TF: variants seen among roughly 807,000 people sequenced by gnomAD.
TF encodes serotransferrin.
A neutral mutation model predicts 82.4 loss-of-function variants in TF; 55 were observed. The observed-to-expected ratio is 0.67, with a 90% CI of 0.54 to 0.84. The LOEUF (loss-of-function observed/expected upper bound fraction) is 0.84, where lower values mean the gene tolerates loss of function less well. TF is among the 40% of genes least tolerant of loss of function. TF has a pLI of 0.00. For missense variants in TF, 737 were observed against 868.4 expected (o/e 0.85, Z 1.90); for synonymous variants, 332 against 332.6 (o/e 1.00, Z 0.02).
At chr3:133,687,976 T>A in the TF span, among the ~76,000 whole-genome samples, 1 of 152,192 alleles carries the variant, frequency 6.6e-6, no homozygotes, top group African/African-American at 2.4e-5. Flanking sequence ...TATATGCTAA[T>A]TCTGTGTTTA....
the TF span, among the ~76,000 whole-genome samples, chr3:133,686,264 A>C: frequency 2.0e-5 from 3 of 152,202 alleles, no homozygotes; most frequent in Non-Finnish European, 4.4e-5. Flanking sequence ...AACCTAGGCA[A>C]TACCATTCAG....
chr3:133,729,228 G>A, the TF span, among the ~76,000 whole-genome samples: 12 of 152,238 alleles, frequency 7.9e-5, no homozygotes, highest in Admixed American at 1.3e-4. Context: ...GGTTACTGCT[G>A]TCTTTTTGTT....
the TF span, among the ~76,000 whole-genome samples, chr3:133,714,651 C>T: frequency 2.8e-4 from 43 of 152,198 alleles, no homozygotes; most frequent in African/African-American, 1.0e-3. Context: ...CCATCTCCTA[C>T]CTGTCTTTTC....
intron 3 of TF, chr3:133,753,987 G>C: frequency 1.8e-6 from 1 of 542,434 alleles, no homozygotes; most frequent in Non-Finnish European, 3.3e-6. Flanking sequence ...GAAGGCTACT[G>C]CGGTCTACTG....
the TF span, among the ~76,000 whole-genome samples, chr3:133,736,632 A>AAAAAAGAAAAG: frequency 2.0e-5 from 1 of 50,218 alleles, no homozygotes; most frequent in Non-Finnish European, 3.7e-5. Context: ...ATGGAAAGCC[A>AAAAAAGAAAAG]AAAAAAAAAA....
At chr3:133,752,106 T>G (rs1933689103) in intron 2 of TF, among the ~76,000 whole-genome samples, 1 of 151,770 alleles carries the variant, frequency 6.6e-6, no homozygotes, top group South Asian at 2.1e-4. Flanking sequence ...AATTTTTTTT[T>G]TTTTTTTTGA....
At chr3:133,714,205 C>G in the TF span, among the ~76,000 whole-genome samples, 1 of 152,034 alleles carries the variant, frequency 6.6e-6, no homozygotes, top group Non-Finnish European at 1.5e-5. Context: ...GATGAGGGCA[C>G]AGAGAGAGAG....
chr3:133,755,527 C>T, intron 5 of TF, 32 bp downstream of exon 5: 2 of 1,613,236 alleles, frequency 1.2e-6, no homozygotes, highest in Non-Finnish European at 1.7e-6. Context: ...CCATGGTGGC[C>T]AAAGTGCCAA....
At chr3:133,728,556 T>C in the TF span, among the ~76,000 whole-genome samples, 1 of 152,232 alleles carries the variant, frequency 6.6e-6, no homozygotes, top group African/African-American at 2.4e-5. Context: ...TACATTCGTC[T>C]AAATTTTTTT....
Position 133,786,228 on chromosome 3 carries a change from A to T in TF, c.*7608A>T. Reference sequence around the variant, plus strand: ...TATCAATAAAAAAATAAATTAAAAAAAAAAAAAAAAAACAATACTATTTTT... The same window carrying T: ...TATCAATAAAAAAATAAATTAAAAATAAAAAAAAAAAACAATACTATTTTT... On this transcript the variant is annotated 3_prime_UTR_variant, in exon 17 of 17. Transcript: ENST00000402696. The T allele has an allele frequency of 1.3e-5, 1 of 77,066 alleles. No individual in the cohort carries two copies. The highest frequency in any genetic ancestry group is 6.7e-4 in the East Asian group (1 of 1,492). The allele number at this position is 77,066 out of a possible 1,614,324, so 4.8% of individuals were successfully genotyped here.
At chr3:133,691,305 G>A in the TF span, among the ~76,000 whole-genome samples, 5 of 152,292 alleles carry the variant, frequency 3.3e-5, no homozygotes, top group East Asian at 7.7e-4. Flanking sequence ...CTTATGGATG[G>A]AAATATTCTA....
chr3:133,697,166 A>G, the TF span, among the ~76,000 whole-genome samples: 18 of 152,254 alleles, frequency 1.2e-4, no homozygotes, highest in African/African-American at 3.9e-4. Flanking sequence ...ATTATTACTC[A>G]TTATTGCACT....
Position 133,764,057 on chromosome 3 carries a change from A to G in TF, c.1204-125A>G. 3 of 798,318 alleles carry G rather than the reference A, an allele frequency of 3.8e-6. 1 individual carries two copies. Among genetic ancestry groups the G allele is most frequent in the East Asian group, 5.0e-5 (2 of 39,764 alleles). 49.5% of individuals were successfully genotyped at this position (798,318 alleles called of 1,614,324 possible). On this transcript the variant is annotated intron_variant, in intron 9 of 16. Coordinates refer to ENST00000402696, the MANE Select transcript of TF (RefSeq NM_001063.4). The stretch of plus-strand genomic sequence containing the variant: ...CTGGCTGATCTTTTGGGGGTTCAGT[A>G]TCAGCATCTGCTATCTCCCTGGCAT...
the TF span, among the ~76,000 whole-genome samples, chr3:133,724,855 G>A: frequency 0.38 from 57,974 of 151,510 alleles, 11,549 homozygotes; most frequent in South Asian, 0.5. Flanking sequence ...AAGGGATCCA[G>A]TTTCAGCTTT....
At chr3:133,721,913 T>G in the TF span, among the ~76,000 whole-genome samples, 1 of 152,178 alleles carries the variant, frequency 6.6e-6, no homozygotes, top group Non-Finnish European at 1.5e-5. Context: ...AGGGTCTGGC[T>G]GTGTCACCCA....
chr3:133,674,720 G>T, the TF span, among the ~76,000 whole-genome samples: 3 of 147,468 alleles, frequency 2.0e-5, no homozygotes, highest in African/African-American at 7.4e-5. Context: ...GCAAGCAGCG[G>T]GTCGGTCACA....
chr3:133,678,365 G>A, the TF span, among the ~76,000 whole-genome samples: 1 of 152,112 alleles, frequency 6.6e-6, no homozygotes, highest in African/African-American at 2.4e-5. Context: ...CATTCCTTTG[G>A]GTATATACCC....
chr3:133,758,965 CG>C (rs1933911036), intron 8 of TF, among the ~76,000 whole-genome samples: 1 of 152,114 alleles, frequency 6.6e-6, no homozygotes, highest in Non-Finnish European at 1.5e-5. Context: ...GTTGGCTTCT[CG>C]GAAGACATAA....
At chr3:133,758,063 G>C in intron 8 of TF, 117 bp downstream of exon 8, 1 of 972,520 alleles carries the variant, frequency 1.0e-6, no homozygotes, top group Non-Finnish European at 1.5e-6. Context: ...TCCTTTTTCT[G>C]ACCTGTCTGT....
Sources: allele counts gnomAD v4.1 joint callset (sites outside exome capture counted in the v4.1 genomes callset), GRCh38; gene constraint gnomAD v4.1.1; transcripts MANE v1.5; gene names NCBI Gene and HGNC (gene_info 2026-07-23, HGNC 2026-07-21).